Variants in SYMPK observed in about 807,000 individuals in gnomAD.
SYMPK encodes symplekin.
In SYMPK, 49 loss-of-function variants were observed where a neutral mutation model predicts 136.4. That is an observed-to-expected ratio of 0.36 (90% CI 0.29 to 0.46). SYMPK has a LOEUF of 0.46. Among genes scored for constraint, SYMPK ranks in the 20% least tolerant of loss-of-function variants. The pLI, the probability that SYMPK is intolerant of heterozygous loss-of-function variation, is 1.00. For missense variants in SYMPK, 1,365 were observed against 1,690.0 expected (o/e 0.81, Z 3.37); for synonymous variants, 766 against 713.0 (o/e 1.07, Z -1.19).
chr19:45,858,368 C>T (rs1431860551), intron 1 of SYMPK, among the ~76,000 whole-genome samples: 1 of 152,118 alleles, frequency 6.6e-6, no homozygotes, highest in Admixed American at 6.6e-5. Context: ...GTGAACATGC[C>T]CAACATGCCC....
chr19:45,840,524 A>G (rs1971409804), intron 9 of SYMPK, among the ~76,000 whole-genome samples: 1 of 151,878 alleles, frequency 6.6e-6, no homozygotes, highest in Non-Finnish European at 1.5e-5. Flanking sequence ...TTAGCTGGGC[A>G]TGGTGGCACA....
At chr19:45,859,953 T>TCA (rs1491508236) in intron 1 of SYMPK, among the ~76,000 whole-genome samples, 2,401 of 85,676 alleles carry the variant, frequency 0.028, 312 homozygotes, top group African/African-American at 0.098. Flanking sequence ...AGACTCCATC[T>TCA]AAAAAAAAAA....
intron 21 of SYMPK, among the ~76,000 whole-genome samples, chr19:45,822,204 C>T (rs984004458): frequency 5.9e-5 from 9 of 151,298 alleles, no homozygotes; most frequent in African/African-American, 1.7e-4. Flanking sequence ...CTGCAAGCTC[C>T]GCCTCCCGGG....
Position 45,827,910 on chromosome 19 carries a change from G to C in SYMPK, c.1994C>G (p.Thr665Ser). Residue 665 changes from threonine to serine, a missense_variant, in exon 15 of 27, where the codon ACC becomes AGC. Around this residue, in one of 11 missense-constraint regions of SYMPK, gnomAD observed 303 missense variants for 326.6 expected, o/e 0.93. Transcript: ENST00000245934. Reference protein sequence around the residue: ...EKPDQKDGIFTKVVLEAPLIT... With the variant: ...EKPDQKDGIFSKVVLEAPLIT... ...GAGTGGCGCCTCCAGCACAACCTTGGTGAAGATCCTGCCAGAGATGGAGGG... is the reference window on the plus strand; with the variant it reads ...GAGTGGCGCCTCCAGCACAACCTTGCTGAAGATCCTGCCAGAGATGGAGGG... 1.2e-6 allele frequency: 2 copies of C among 1,613,874 alleles called. No individual in the cohort carries two copies. Among genetic ancestry groups the C allele is most frequent in the Non-Finnish European group, 1.7e-6 (2 of 1,180,010 alleles).
intron 5 of SYMPK, 58 bp downstream of exon 5, chr19:45,852,254 C>G (rs547662944): frequency 6.3e-7 from 1 of 1,594,414 alleles, no homozygotes; most frequent in Non-Finnish European, 8.6e-7. Flanking sequence ...GGCCAGGCCA[C>G]GAGCTGAAGG....
intron 23 of SYMPK, among the ~76,000 whole-genome samples, chr19:45,817,415 C>CTTTTTTTTTTTTTTTTTTT (rs1568605953): frequency 3.0e-5 from 3 of 100,174 alleles, no homozygotes; most frequent in African/African-American, 1.2e-4. Flanking sequence ...TTTTTTTGTT[C>CTTTTTTTTTTTTTTTTTTT]TCTTTTTTTT....
intron 1 of SYMPK, among the ~76,000 whole-genome samples, chr19:45,860,788 C>T (rs1476297946): frequency 5.9e-5 from 9 of 152,116 alleles, no homozygotes; most frequent in East Asian, 1.9e-4. Flanking sequence ...AGACTACAGG[C>T]GAATCCCCAT....
At chr19:45,845,773 A>T (rs1230104527) in intron 7 of SYMPK, among the ~76,000 whole-genome samples, 2 of 152,192 alleles carry the variant, frequency 1.3e-5, no homozygotes, top group Non-Finnish European at 2.9e-5. Context: ...GAGGAACCTC[A>T]AAACTCCAAA....
intron 10 of SYMPK, among the ~76,000 whole-genome samples, chr19:45,835,748 C>T (rs1036540353): frequency 2.6e-5 from 4 of 152,020 alleles, no homozygotes; most frequent in Non-Finnish European, 5.9e-5. Flanking sequence ...CCTGTCTCTA[C>T]TAAAAATACA....
intron 8 of SYMPK, chr19:45,843,046 G>C (rs1401450039): frequency 1.3e-5 from 2 of 153,566 alleles, no homozygotes; most frequent in Non-Finnish European, 2.9e-5. Flanking sequence ...ATGAGACCTG[G>C]GGCCAGTGAG....
chr19:45,829,425 T>C (rs1229868946), intron 13 of SYMPK, among the ~76,000 whole-genome samples: 3 of 151,962 alleles, frequency 2.0e-5, no homozygotes, highest in Admixed American at 6.6e-5. Context: ...AGAATAAAAA[T>C]GAGTTTCTAG....
At chr19:45,846,669 G>C (rs1029096269) in intron 7 of SYMPK, among the ~76,000 whole-genome samples, 1 of 152,128 alleles carries the variant, frequency 6.6e-6, no homozygotes, top group South Asian at 2.1e-4. Flanking sequence ...ATACCTACAT[G>C]TGCACAGGAA....
At chr19:45,841,000 T>C (rs1409630626) in intron 9 of SYMPK, among the ~76,000 whole-genome samples, 1 of 152,140 alleles carries the variant, frequency 6.6e-6, no homozygotes, top group East Asian at 1.9e-4. Context: ...CCTTTTTTTT[T>C]TTTGAGACGG....
rs1440409165 is a variant in SYMPK at position 45,844,099 on chromosome 19, G to A, written c.778C>T (p.Leu260Phe). ...GGTCTCTGGCGGGCGATATTGGCAA[G>A]GGAGCCCAGCGCTGTGGTCAGGTTG... is the stretch of plus-strand genomic sequence containing the variant. ...SINLTTALGS[L>F]ANIARQRPMF... The change falls in exon 8 of 27, where the codon CTT (leucine) becomes TTT (phenylalanine). Residue 260 changes from leucine (L) to phenylalanine (F), a missense_variant. By Grantham distance (22) the Leu-to-Phe change is conservative (BLOSUM62 0). Around this residue, in one of 11 missense-constraint regions of SYMPK, gnomAD observed 237 missense variants for 292.9 expected, o/e 0.81. Transcript: ENST00000245934. 6.2e-7 allele frequency: 1 copy of A among 1,612,520 alleles called. No homozygotes were observed. The highest frequency in any genetic ancestry group is 1.1e-5 in the South Asian group (1 of 90,620).
Position 45,838,593 on chromosome 19 carries a change from A to T in SYMPK, c.1110T>A (p.Asp370Glu). 1 of 1,614,008 alleles carries T rather than the reference A, an allele frequency of 6.2e-7. No individual in the cohort carries two copies. Residue 370 changes from aspartate (D) to glutamate (E), a missense_variant, in exon 10 of 27, where the codon GAT (aspartate) becomes GAA (glutamate). Around this residue, in one of 11 missense-constraint regions of SYMPK, gnomAD observed 111 missense variants for 141.2 expected, o/e 0.79. Transcript: ENST00000245934. The part of the protein sequence containing the change: ...MKLEPNLGED[D>E]EDKDLEPGPS... Reference sequence around the variant, plus strand: ...GGCCTGGCTCCAAGTCTTTGTCCTCATCGTCCTCCCCCAGGTTGGGCTCTG... The same window carrying T: ...GGCCTGGCTCCAAGTCTTTGTCCTCTTCGTCCTCCCCCAGGTTGGGCTCTG...
At chr19:45,860,876 T>C (rs1971951048) in intron 1 of SYMPK, among the ~76,000 whole-genome samples, 2 of 152,348 alleles carry the variant, frequency 1.3e-5, no homozygotes, top group South Asian at 2.1e-4. Context: ...ATTTTCATTT[T>C]ACAGATGAGG....
At chr19:45,823,732 G>A in intron 19 of SYMPK, 35 bp downstream of exon 19, 1 of 1,580,086 alleles carries the variant, frequency 6.3e-7, no homozygotes, top group Non-Finnish European at 8.7e-7. Context: ...AGGAGAGGGA[G>A]GAAAGCCATG....
chr19:45,816,473 G>T lies in SYMPK; in HGVS notation c.3354+9C>A. The T allele has an allele frequency of 6.2e-7, 1 of 1,609,298 alleles. No individual in the cohort carries two copies. ...GGGGATCCAGATGGGTGGGCTGCAG[G>T]GCCCTCACCTCCTCCAAGGGCCCCG... On this transcript the variant is annotated intron_variant, in intron 25 of 26. Coordinates refer to ENST00000245934, the MANE Select transcript of SYMPK (RefSeq NM_004819.3).
At chr19:45,838,003 A>ATT (rs1357730542) in intron 10 of SYMPK, among the ~76,000 whole-genome samples, 1 of 151,970 alleles carries the variant, frequency 6.6e-6, no homozygotes, top group African/African-American at 2.4e-5. Context: ...TAGTCTGGAT[A>ATT]TTTGTTCCTT....
Sources: allele counts gnomAD v4.1 joint callset (sites outside exome capture counted in the v4.1 genomes callset), GRCh38; gene constraint gnomAD v4.1.1; regional missense constraint gnomAD v4.1.1; transcripts MANE v1.5; gene names NCBI Gene and HGNC (gene_info 2026-07-23, HGNC 2026-07-21).